Variants in MYLK observed in about 807,000 individuals in gnomAD.
MYLK encodes the protein myosin light chain kinase, smooth muscle.
MYLK carries 106 observed loss-of-function variants against 203.4 expected under a neutral mutation model. The ratio of observed to expected loss-of-function variants is 0.52; its 90% CI spans 0.45 to 0.61. MYLK has a LOEUF of 0.61. MYLK is among the 20% of genes least tolerant of loss of function. The pLI, the probability that MYLK is intolerant of heterozygous loss-of-function variation, is 0.00. For missense variants in MYLK, 2,072 were observed against 2,442.3 expected, an observed-to-expected ratio of 0.85 and a Z score of 3.20; for synonymous variants, 867 against 959.5, an observed-to-expected ratio of 0.90 and a Z score of 1.78.
At chr3:123,761,129 G>A (rs2063520422) in intron 4 of MYLK, among the ~76,000 whole-genome samples, 1 of 152,172 alleles carries the variant, frequency 6.6e-6, no homozygotes, top group African/African-American at 2.4e-5. Flanking sequence ...TGGAGTGGAG[G>A]GCTGCTCCCC....
chr3:123,690,503 G>C (rs1005972452), intron 19 of MYLK, among the ~76,000 whole-genome samples: 5 of 152,096 alleles, frequency 3.3e-5, no homozygotes, highest in African/African-American at 1.2e-4. Flanking sequence ...ACAGAATGAG[G>C]GCAGGAGATG....
chr3:123,879,339 G>A (rs1463522147), intron 1 of MYLK, among the ~76,000 whole-genome samples: 2 of 152,162 alleles, frequency 1.3e-5, no homozygotes, highest in East Asian at 3.9e-4. Flanking sequence ...TGCGCTGCAA[G>A]GTCAAAGGTG....
chr3:123,763,359 A>G (rs935094132), intron 4 of MYLK, among the ~76,000 whole-genome samples: 2 of 152,160 alleles, frequency 1.3e-5, no homozygotes, highest in Non-Finnish European at 2.9e-5. Context: ...GGCTTGATGC[A>G]TAGTGGTCCT....
chr3:123,708,845 C>G lies in MYLK; in HGVS notation c.1993G>C (p.Glu665Gln), dbSNP rs771785615. The change falls in exon 15 of 34, where the codon GAG (glutamate) becomes CAG (glutamine). Residue 665 changes from glutamate (E) to glutamine (Q), a missense_variant. This residue lies in a region of MYLK where 865 missense variants were observed against 1,016.0 expected (regional missense o/e 0.85). Transcript: ENST00000360304. ...TGTTCAAAGTGGAAGTCCTCTGACTCTTGGATCTCATTCCCATTGTGCAGC... is the reference window on the plus strand; with the variant it reads ...TGTTCAAAGTGGAAGTCCTCTGACTGTTGGATCTCATTCCCATTGTGCAGC... ...IWLHNGNEIQ[E>Q]SEDFHFEQRG... is the part of the protein sequence containing the mutation. 1.2e-6 allele frequency: 2 copies of G among 1,614,142 alleles called. No homozygotes were observed. Among genetic ancestry groups the G allele is most frequent in the South Asian group, 2.2e-5 (2 of 91,084 alleles).
At chr3:123,873,363 C>T (rs1273749736) in intron 2 of MYLK, among the ~76,000 whole-genome samples, 1 of 152,074 alleles carries the variant, frequency 6.6e-6, no homozygotes, top group African/African-American at 2.4e-5. Context: ...AGACTCAACA[C>T]CTGCCTCCTA....
At chr3:123,766,465 A>T (rs2063707801) in intron 4 of MYLK, among the ~76,000 whole-genome samples, 1 of 152,226 alleles carries the variant, frequency 6.6e-6, no homozygotes, top group Admixed American at 6.5e-5. Context: ...TGTTGCTGTG[A>T]GTTGAGCAAG....
intron 2 of MYLK, among the ~76,000 whole-genome samples, chr3:123,854,004 C>T (rs141169288): frequency 4.2e-4 from 64 of 151,954 alleles, no homozygotes; most frequent in Middle Eastern, 6.8e-3. Flanking sequence ...ATTTGGAAAC[C>T]TGGGTCTACC....
At chr3:123,739,654 C>T (rs1321731389) in intron 6 of MYLK, among the ~76,000 whole-genome samples, 1 of 152,224 alleles carries the variant, frequency 6.6e-6, no homozygotes, top group Admixed American at 6.5e-5. Flanking sequence ...TGTTACCCGC[C>T]TCTTCTAGGC....
At chr3:123,797,064 G>A (rs1159809179) in intron 3 of MYLK, among the ~76,000 whole-genome samples, 1 of 152,104 alleles carries the variant, frequency 6.6e-6, no homozygotes, top group East Asian at 1.9e-4. Context: ...GGTTTTATGG[G>A]TACATATTTA....
At chr3:123,638,414 C>T (rs1227284228) in intron 28 of MYLK, among the ~76,000 whole-genome samples, 2 of 152,180 alleles carry the variant, frequency 1.3e-5, no homozygotes, top group Non-Finnish European at 2.9e-5. Context: ...ATGTCCTGTG[C>T]AGGGTGGGCA....
intron 2 of MYLK, among the ~76,000 whole-genome samples, chr3:123,853,647 G>A (rs2031070468): frequency 1.3e-5 from 2 of 152,168 alleles, no homozygotes; most frequent in Admixed American, 1.3e-4. Flanking sequence ...TGGATCAAGA[G>A]CTGCCGTACC....
rs36021943 is a variant in MYLK, at chr3:123,753,809, C to CT, written c.166-1272dup. Among the ~76,000 whole-genome samples, 288 of 152,216 alleles carry CT rather than the reference C, an allele frequency of 1.9e-3. No homozygotes were observed. In the East Asian group the frequency reaches 0.036, roughly 19 times the overall value. On this transcript the variant is annotated intron_variant, in intron 4 of 33. Transcript: ENST00000360304. ...AAGTAGAAGGCATCATAGGAGCTTC[C>CT]TGAGAACAAAGTTGTTTGCATTACA...
chr3:123,780,850 T>C (rs2064269929), intron 4 of MYLK, among the ~76,000 whole-genome samples: 1 of 152,140 alleles, frequency 6.6e-6, no homozygotes, highest in Non-Finnish European at 1.5e-5. Flanking sequence ...TAAGAGATTG[T>C]CTAGAGGCTC....
chr3:123,876,011 T>C (rs957512893), intron 2 of MYLK, among the ~76,000 whole-genome samples: 10 of 152,194 alleles, frequency 6.6e-5, no homozygotes, highest in African/African-American at 2.4e-4. Flanking sequence ...CCTGGTAGAC[T>C]TTAATATTCC....
chr3:123,884,210 G>A lies in MYLK; in HGVS notation c.-190C>T, dbSNP rs2033715230. The A allele has an allele frequency of 6.6e-6, 1 of 150,722 alleles. No homozygotes were observed. Among genetic ancestry groups the A allele is most frequent in the African/African-American group, 2.4e-5 (1 of 41,272 alleles). 9.3% of individuals were successfully genotyped at this position (150,722 alleles called of 1,614,324 possible). A position where few individuals can be genotyped will look rare whatever the true frequency, so the allele number is the denominator to read the frequency against. On this transcript the variant is annotated 5_prime_UTR_variant, in exon 1 of 34. Transcript: ENST00000360304. ...GCATGGGGCGGGCTCACTCACCCGC[G>A]CGGCGAAGGCGGCCCGGGAGCCGGG...
intron 29 of MYLK, among the ~76,000 whole-genome samples, chr3:123,631,559 C>T (rs1270077819): frequency 6.6e-6 from 1 of 152,292 alleles, no homozygotes; most frequent in African/African-American, 2.4e-5. Flanking sequence ...TTTGACAGAA[C>T]AAACCCCACT....
chr3:123,629,739 A>C lies in MYLK; in HGVS notation c.4962-113T>G. The C allele has an allele frequency of 1.4e-4, 161 of 1,111,832 alleles. No individual in the cohort carries two copies. The highest frequency in any genetic ancestry group is 2.0e-4 in the Non-Finnish European group (149 of 739,326). 68.9% of individuals were successfully genotyped at this position (1,111,832 alleles called of 1,614,324 possible). A position where few individuals can be genotyped will look rare whatever the true frequency, so the allele number is the denominator to read the frequency against. Reference sequence around the variant, plus strand: ...GGCCAGCCTCCCCACCCCCAAACTCATGCTCTGTGGGCCTTGCACCTGCCT... The same window carrying C: ...GGCCAGCCTCCCCACCCCCAAACTCCTGCTCTGTGGGCCTTGCACCTGCCT... On this transcript the variant is annotated intron_variant, in intron 29 of 33. Coordinates refer to ENST00000360304, the MANE Select transcript of MYLK (RefSeq NM_053025.4). The surrounding 1 kb of genome is among the most constrained non-coding windows in gnomAD (Gnocchi z 4.4).
intron 20 of MYLK, 47 bp from the exon 21 acceptor site, chr3:123,667,234 TC>T: frequency 6.3e-7 from 1 of 1,581,338 alleles, no homozygotes; most frequent in Non-Finnish European, 8.7e-7. Flanking sequence ...TCTGTTTTTT[TC>T]ACAAAGCTCC....
intron 3 of MYLK, among the ~76,000 whole-genome samples, chr3:123,806,255 T>C (rs2065362643): frequency 6.6e-6 from 1 of 152,218 alleles, no homozygotes; most frequent in African/African-American, 2.4e-5. Flanking sequence ...AATCATGTAG[T>C]CCGCTCCCTT....
Sources: allele counts gnomAD v4.1 joint callset (sites outside exome capture counted in the v4.1 genomes callset), GRCh38; gene constraint gnomAD v4.1.1; regional missense constraint gnomAD v4.1.1; non-coding constraint Gnocchi (gnomAD v3.1); transcripts MANE v1.5; gene names NCBI Gene and HGNC (gene_info 2026-07-23, HGNC 2026-07-21).